Variants in ZNF680 observed in about 807,000 individuals in gnomAD.
ZNF680 encodes hypothetical protein FLJ90430.
In ZNF680, 6 loss-of-function variants were observed where a neutral mutation model predicts 12.1. The ratio of observed to expected loss-of-function variants is 0.49; its 90% CI spans 0.27 to 0.98. The LOEUF (loss-of-function observed/expected upper bound fraction) is 0.98, where lower values mean the gene tolerates loss of function less well. Among genes scored for constraint, ZNF680 ranks in the 50% least tolerant of loss-of-function variants. The pLI, the probability that ZNF680 is intolerant of heterozygous loss-of-function variation, is 0.12. For synonymous variants in ZNF680, 170 were observed against 199.3 expected (o/e 0.85, Z 1.24); for missense variants, 561 against 616.3 (o/e 0.91, Z 0.95).
At chr7:64,517,777 G>A (rs1791384479), downstream of ZNF680, among the ~76,000 whole-genome samples, 1 of 152,028 alleles carries the variant, frequency 6.6e-6, no homozygotes, top group Non-Finnish European at 1.5e-5. Flanking sequence ...GGGATGCAGG[G>A]ATGATTTAAC....
At chr7:64,515,343 C>T (rs111243249), downstream of ZNF680, among the ~76,000 whole-genome samples, 1,137 of 152,072 alleles carry the variant, frequency 7.5e-3, 5 homozygotes, top group Non-Finnish European at 0.011. Context: ...AGCACCCCCC[C>T]CTAAAAAATC....
chr7:64,554,533 G>T (rs1465691975), intron 1 of ZNF680, among the ~76,000 whole-genome samples: 6 of 152,228 alleles, frequency 3.9e-5, no homozygotes, highest in Admixed American at 3.3e-4. Flanking sequence ...TGACAATGGC[G>T]GTTTTTGTCG....
intron 3 of ZNF680, chr7:64,525,894 G>T: frequency 2.0e-6 from 2 of 984,846 alleles, no homozygotes; most frequent in Non-Finnish European, 2.4e-6. Flanking sequence ...GTCATAAAAA[G>T]AACAGGGAAA....
chr7:64,559,262 T>G (rs1238758233), intron 1 of ZNF680, among the ~76,000 whole-genome samples: 2 of 152,134 alleles, frequency 1.3e-5, no homozygotes, highest in East Asian at 3.9e-4. Context: ...TCCACATATA[T>G]CTGCAATTTT....
chr7:64,559,818 T>C (rs554988779), intron 1 of ZNF680, among the ~76,000 whole-genome samples: 2 of 152,228 alleles, frequency 1.3e-5, no homozygotes, highest in South Asian at 4.1e-4. Context: ...ACATTTTACA[T>C]CTCAATAAGA....
intron 1 of ZNF680, chr7:64,552,161 C>T (rs1379167522): frequency 6.6e-6 from 1 of 152,234 alleles, no homozygotes; most frequent in African/African-American, 2.4e-5. Context: ...TAAAGCAATT[C>T]TCCTGCCTCA....
At chr7:64,503,592 G>A in the ZNF680 span, among the ~76,000 whole-genome samples, 1 of 152,044 alleles carries the variant, frequency 6.6e-6, no homozygotes, top group Admixed American at 6.6e-5. Context: ...TGTTGGTCAG[G>A]CTGGTCTCGA....
rs10255348 is a variant in ZNF680 at position 64,553,304 on chromosome 7, T to C, written c.31-8872A>G. On this transcript the variant is annotated intron_variant, in intron 1 of 3. Coordinates refer to ENST00000309683, the MANE Select transcript of ZNF680 (RefSeq NM_178558.5). Reference sequence around the variant, plus strand: ...ATGATTTATATGATTTACATATATTTCAATAAAGCAGAGAAAAAAAGTACA... The same window carrying C: ...ATGATTTATATGATTTACATATATTCCAATAAAGCAGAGAAAAAAAGTACA... Among the ~76,000 whole-genome samples the C allele has an allele frequency of 3.8e-3, 586 of 152,258 alleles. 11 individuals are homozygous for C. The highest frequency in any genetic ancestry group is 0.013 in the African/African-American group (542 of 41,554).
chr7:64,548,410 C>A (rs10275385), intron 1 of ZNF680, among the ~76,000 whole-genome samples: 102,327 of 152,120 alleles, frequency 0.67, 35,307 homozygotes, highest in African/African-American at 0.84. Context: ...CAACCATATA[C>A]TGCTTCAACC....
At chr7:64,561,889 C>G (rs1268740551) in intron 1 of ZNF680, among the ~76,000 whole-genome samples, 1 of 141,972 alleles carries the variant, frequency 7.0e-6, no homozygotes, top group African/African-American at 2.6e-5. Flanking sequence ...GAGCCGAGAT[C>G]GCGCCACTGC....
chr7:64,562,059 C>G (rs1787774263), intron 1 of ZNF680, among the ~76,000 whole-genome samples: 1 of 150,824 alleles, frequency 6.6e-6, no homozygotes, highest in Non-Finnish European at 1.5e-5. Flanking sequence ...ATGGTGAAAC[C>G]CGTCTCTACT....
At chr7:64,507,228 T>G in the ZNF680 span, among the ~76,000 whole-genome samples, 1 of 152,080 alleles carries the variant, frequency 6.6e-6, no homozygotes, top group Non-Finnish European at 1.5e-5. Flanking sequence ...ATATGTAGAA[T>G]TTAATAAAGT....
the ZNF680 span, among the ~76,000 whole-genome samples, chr7:64,512,788 A>G: frequency 6.6e-6 from 1 of 152,114 alleles, no homozygotes; most frequent in South Asian, 2.1e-4. Context: ...GTGGTTATAC[A>G]TGTGTTGTGT....
intron 1 of ZNF680, among the ~76,000 whole-genome samples, chr7:64,545,889 A>C (rs1355767260): frequency 6.6e-6 from 1 of 152,192 alleles, no homozygotes; most frequent in African/African-American, 2.4e-5. Flanking sequence ...CCCAGTAGAA[A>C]TCTTGAGTAT....
At chr7:64,525,594 A>G (rs554624671) in intron 3 of ZNF680, 1 of 294,170 alleles carries the variant, frequency 3.4e-6, no homozygotes, top group Admixed American at 6.5e-5. Flanking sequence ...TGCAAGATAA[A>G]AACATTTTAG....
chr7:64,510,130 AG>A, the ZNF680 span, among the ~76,000 whole-genome samples: 1 of 151,916 alleles, frequency 6.6e-6, no homozygotes, highest in African/African-American at 2.4e-5. Context: ...AAAAGCCCCA[AG>A]GAAAAAAGGG....
intron 1 of ZNF680, among the ~76,000 whole-genome samples, chr7:64,557,638 A>G (rs1458690689): frequency 6.6e-6 from 1 of 152,196 alleles, no homozygotes. Context: ...CTGCAATCCC[A>G]GCACTTTGGG....
At chr7:64,524,955 T>C (rs1791755113) in intron 3 of ZNF680, 1 of 152,172 alleles carries the variant, frequency 6.6e-6, no homozygotes, top group Non-Finnish European at 1.5e-5. Context: ...ATTAATCTTG[T>C]GAAGATGTCC....
rs1369581179 is a variant in ZNF680, at chr7:64,563,036, A to G, written c.-82T>C. 3.2e-6 allele frequency: 5 copies of G among 1,540,000 alleles called. No homozygotes were observed. The African/African-American group carries it at 6.8e-5, about 21-fold the overall frequency. On this transcript the variant is annotated 5_prime_UTR_variant, in exon 1 of 4. Transcript: ENST00000309683. ...TAGGAGCAGAATACACAGAGCAGTAAAGACTAGACCTGGAGCTCCCGCAGC... is the reference window on the plus strand; with the variant it reads ...TAGGAGCAGAATACACAGAGCAGTAGAGACTAGACCTGGAGCTCCCGCAGC...
Sources: allele counts gnomAD v4.1 joint callset (sites outside exome capture counted in the v4.1 genomes callset), GRCh38; gene constraint gnomAD v4.1.1; transcripts MANE v1.5; gene names NCBI Gene and HGNC (gene_info 2026-07-23, HGNC 2026-07-21).